PDE1C: variants seen among roughly 807,000 people sequenced by gnomAD.
PDE1C encodes phosphodiesterase 1C.
In PDE1C, 62 loss-of-function variants were observed where a neutral mutation model predicts 93.1. The ratio of observed to expected loss-of-function variants is 0.67; its 90% CI spans 0.54 to 0.82. The LOEUF (loss-of-function observed/expected upper bound fraction) is 0.82. Ranked by LOEUF, PDE1C falls within the 40% of genes least tolerant of loss-of-function variation. PDE1C has a pLI of 0.00. For synonymous variants in PDE1C, 325 were observed against 310.1 expected, an observed-to-expected ratio of 1.05 and a Z score of -0.50; for missense variants, 742 against 884.6, an observed-to-expected ratio of 0.84 and a Z score of 2.04.
chr7:32,380,166 T>C (rs1443831357), intron 1 of PDE1C, among the ~76,000 whole-genome samples: 1 of 152,154 alleles, frequency 6.6e-6, no homozygotes, highest in East Asian at 1.9e-4. Context: ...TTCCCTTTTA[T>C]AGTAAAACTC....
intron 7 of PDE1C, among the ~76,000 whole-genome samples, chr7:31,855,062 C>T (rs1332203324): frequency 8.8e-6 from 1 of 113,172 alleles, no homozygotes; most frequent in African/African-American, 3.4e-5. Context: ...GCGAGACTCC[C>T]TCTGTCTAAA....
intron 3 of PDE1C, among the ~76,000 whole-genome samples, chr7:32,152,446 G>C (rs963782983): frequency 6.6e-6 from 1 of 152,268 alleles, no homozygotes; most frequent in South Asian, 2.1e-4. Flanking sequence ...AGGCTACCTT[G>C]GAAGTAATAA....
intron 1 of PDE1C, among the ~76,000 whole-genome samples, chr7:32,069,173 C>A (rs924342001): frequency 2.0e-5 from 3 of 152,106 alleles, no homozygotes; most frequent in Non-Finnish European, 4.4e-5. Context: ...CAATAAGGAC[C>A]CCTTAAAGAA....
intron 2 of PDE1C, among the ~76,000 whole-genome samples, chr7:31,981,754 C>A (rs756615911): frequency 8.5e-5 from 13 of 152,072 alleles, no homozygotes; most frequent in Non-Finnish European, 1.6e-4. Context: ...TGTCAACACA[C>A]ATGAAAGAGG....
the PDE1C span, among the ~76,000 whole-genome samples, chr7:31,690,539 C>G: frequency 1.3e-5 from 2 of 152,314 alleles, no homozygotes; most frequent in East Asian, 3.9e-4. Context: ...CCCATTTACT[C>G]TCACTACATC....
intron 2 of PDE1C, among the ~76,000 whole-genome samples, chr7:31,981,447 T>C (rs2392014): frequency 0.67 from 101,466 of 152,006 alleles, 34,309 homozygotes; most frequent in African/African-American, 0.77. Context: ...AAAATGTGTG[T>C]TAATGAAATT....
At chr7:32,361,492 T>C (rs1292742013) in intron 1 of PDE1C, among the ~76,000 whole-genome samples, 1 of 152,222 alleles carries the variant, frequency 6.6e-6, no homozygotes, top group Admixed American at 6.5e-5. Context: ...TTAAGCAATA[T>C]GTTGGGAAGT....
chr7:31,664,309 T>A, the PDE1C span, among the ~76,000 whole-genome samples: 1 of 148,754 alleles, frequency 6.7e-6, no homozygotes, highest in Non-Finnish European at 1.5e-5. Flanking sequence ...CCAGTTGAGA[T>A]TTAATATTGC....
At chr7:32,375,187 A>G (rs1424420016) in intron 1 of PDE1C, among the ~76,000 whole-genome samples, 3 of 152,178 alleles carry the variant, frequency 2.0e-5, no homozygotes, top group African/African-American at 7.2e-5. Flanking sequence ...AGCTATGTAG[A>G]ATCACCTCTT....
intron 3 of PDE1C, among the ~76,000 whole-genome samples, chr7:32,123,628 A>C (rs1387614687): frequency 6.6e-6 from 1 of 152,244 alleles, no homozygotes; most frequent in Admixed American, 6.5e-5. Context: ...CAATAGATGC[A>C]GAAAGGGCCT....
chr7:32,113,680 G>A (rs74925271), intron 3 of PDE1C, among the ~76,000 whole-genome samples: 1 of 151,998 alleles, frequency 6.6e-6, no homozygotes, highest in Non-Finnish European at 1.5e-5. Context: ...ATTGAGAAAT[G>A]AGATTGGCAG....
At chr7:32,057,362 G>C (rs1794258240) in intron 1 of PDE1C, among the ~76,000 whole-genome samples, 1 of 152,162 alleles carries the variant, frequency 6.6e-6, no homozygotes, top group Non-Finnish European at 1.5e-5. Flanking sequence ...TGGAACTGTG[G>C]ATTACCCAAG....
chr7:32,289,790 G>T (rs1812220868), intron 1 of PDE1C, among the ~76,000 whole-genome samples: 1 of 152,240 alleles, frequency 6.6e-6, no homozygotes, highest in African/African-American at 2.4e-5. Context: ...TCCAGAAGGG[G>T]TTTCTTCTCC....
intron 17 of PDE1C, 55 bp from the exon 18 acceptor site, chr7:31,753,608 A>G (rs1794252495): frequency 6.4e-7 from 1 of 1,561,214 alleles, no homozygotes. Flanking sequence ...ACGACATGCC[A>G]CAACCTAAAT....
At chr7:31,969,156 T>C (rs1810515183) in intron 2 of PDE1C, among the ~76,000 whole-genome samples, 1 of 151,862 alleles carries the variant, frequency 6.6e-6, no homozygotes, top group Non-Finnish European at 1.5e-5. Flanking sequence ...TAAAGAGCTT[T>C]GCTGTGCTTC....
At chr7:32,058,289 G>A in intron 1 of PDE1C, among the ~76,000 whole-genome samples, 1 of 152,138 alleles carries the variant, frequency 6.6e-6, no homozygotes, top group East Asian at 1.9e-4. Flanking sequence ...CGGAAAGCTT[G>A]GTTCTCAGCC....
intron 2 of PDE1C, among the ~76,000 whole-genome samples, chr7:32,044,179 G>A (rs1190054100): frequency 8.5e-5 from 13 of 152,166 alleles, no homozygotes; most frequent in Admixed American, 8.5e-4. Flanking sequence ...AAATACCTAA[G>A]AAGTTTCCAT....
intron 1 of PDE1C, among the ~76,000 whole-genome samples, chr7:32,336,216 G>A (rs1783620943): frequency 6.6e-6 from 1 of 152,244 alleles, no homozygotes; most frequent in Non-Finnish European, 1.5e-5. Flanking sequence ...TGTGGGTGGA[G>A]TTCCATTTTT....
At chr7:32,300,320 T>A (rs956946601), upstream of PDE1C, among the ~76,000 whole-genome samples, 28 of 152,210 alleles carry the variant, frequency 1.8e-4, no homozygotes, top group African/African-American at 6.8e-4. Context: ...CACATTCACA[T>A]GGTCTGGTTA....
Sources: allele counts gnomAD v4.1 joint callset (sites outside exome capture counted in the v4.1 genomes callset), GRCh38; gene constraint gnomAD v4.1.1; transcripts MANE v1.5; gene names NCBI Gene and HGNC (gene_info 2026-07-23, HGNC 2026-07-21).